The following GRM7 variants were observed in gnomAD, a reference collection of about 807,000 sequenced individuals.
GRM7 encodes the protein glutamate metabotropic receptor 7, also known as metabotropic glutamate receptor 7.
Under a neutral mutation model 84.5 loss-of-function variants are expected in GRM7, and 35 were observed. The ratio of observed to expected loss-of-function variants is 0.41; its 90% CI spans 0.32 to 0.55. The LOEUF is 0.55. Ranked by LOEUF, GRM7 falls within the 20% of genes least tolerant of loss-of-function variation. The probability of loss-of-function intolerance (pLI) is 0.19; values close to 1 mark genes in which losing one functional copy is unlikely to be tolerated. For missense variants in GRM7, 1,003 were observed against 1,194.6 expected (o/e 0.84, Z 2.36); for synonymous variants, 487 against 455.1 (o/e 1.07, Z -0.89).
chr3:6,991,029 A>G (rs1694615864), intron 1 of GRM7, among the ~76,000 whole-genome samples: 1 of 152,082 alleles, frequency 6.6e-6, no homozygotes, highest in Non-Finnish European at 1.5e-5. Context: ...TGATCACGCC[A>G]CTGCACTCCA....
At chr3:7,205,276 G>T (rs917917350) in intron 2 of GRM7, among the ~76,000 whole-genome samples, 30 of 152,228 alleles carry the variant, frequency 2.0e-4, no homozygotes, top group African/African-American at 7.2e-4. Context: ...TGAAGATCTG[G>T]TCGTGGGTGG....
At chr3:7,358,991 A>G (rs114910856) in intron 4 of GRM7, among the ~76,000 whole-genome samples, 2 of 130,208 alleles carry the variant, frequency 1.5e-5, no homozygotes, top group African/African-American at 6.4e-5. Flanking sequence ...AGGTGGCACA[A>G]GCCTATAATC....
At chr3:7,543,238 G>T in intron 7 of GRM7, among the ~76,000 whole-genome samples, 1 of 152,160 alleles carries the variant, frequency 6.6e-6, no homozygotes, top group East Asian at 1.9e-4. Context: ...CAAGGTACTT[G>T]ACTCTTCTAA....
intron 1 of GRM7, among the ~76,000 whole-genome samples, chr3:6,997,917 C>T (rs765593434): frequency 1.1e-4 from 16 of 151,650 alleles, no homozygotes; most frequent in African/African-American, 2.9e-4. Context: ...GTCATGAGTA[C>T]GAGACCATCC....
intron 7 of GRM7, among the ~76,000 whole-genome samples, chr3:7,491,280 AAAAAT>A (rs1699507234): frequency 6.6e-6 from 1 of 152,082 alleles, no homozygotes; most frequent in Admixed American, 6.6e-5. Context: ...AATAAATACA[AAAAAT>A]AAAGAGAGAT....
intron 8 of GRM7, chr3:7,608,134 G>C: frequency 5.3e-6 from 1 of 188,964 alleles, no homozygotes; most frequent in South Asian, 7.3e-5. Flanking sequence ...CTCTGTCACT[G>C]ATGGGCATTC....
chr3:7,574,279 C>T (rs1417236145), intron 7 of GRM7, among the ~76,000 whole-genome samples: 1 of 151,752 alleles, frequency 6.6e-6, no homozygotes, highest in East Asian at 1.9e-4. Context: ...CCTGCCTCAG[C>T]CTCCTGACTA....
chr3:7,137,824 A>G (rs774203079), intron 1 of GRM7, among the ~76,000 whole-genome samples: 3 of 152,084 alleles, frequency 2.0e-5, no homozygotes, highest in East Asian at 1.9e-4. Context: ...TGTGAATGCC[A>G]TATAGACTCC....
At chr3:7,531,649 AT>A (rs1452068559) in intron 7 of GRM7, among the ~76,000 whole-genome samples, 6 of 152,072 alleles carry the variant, frequency 3.9e-5, no homozygotes, top group African/African-American at 1.4e-4. Context: ...TTGCATATTG[AT>A]TTTTTATCCT....
At chr3:7,408,889 C>A (rs1326610984) in intron 4 of GRM7, among the ~76,000 whole-genome samples, 3 of 152,130 alleles carry the variant, frequency 2.0e-5, no homozygotes. Context: ...TGTTAAATTC[C>A]TAACTAAGAT....
chr3:7,452,668 T>C lies in GRM7; in HGVS notation c.1236T>C (p.Ile412=), dbSNP rs1356847276. ...AGGAGGGTAAAGTCCAGTTCGTGAT[T>C]GACGCAGTCTATGCTATGGCTCACG... The part of the protein sequence containing the change: ...YEQEGKVQFV[I]DAVYAMAHAL... Residue 412 remains isoleucine, a synonymous_variant, in exon 6 of 10, where the codon ATT becomes ATC. Coordinates refer to ENST00000357716, the MANE Select transcript of GRM7 (RefSeq NM_000844.4). The C allele has an allele frequency of 6.2e-7, 1 of 1,613,442 alleles. No homozygotes were observed. The highest frequency in any genetic ancestry group is 1.7e-5 in the Admixed American group (1 of 59,948).
chr3:7,213,379 C>A (rs1186758485), intron 2 of GRM7, among the ~76,000 whole-genome samples: 1 of 152,144 alleles, frequency 6.6e-6, no homozygotes, highest in Non-Finnish European at 1.5e-5. Flanking sequence ...AGTAGCAAAT[C>A]ATACAACTTA....
intron 9 of GRM7, among the ~76,000 whole-genome samples, chr3:7,706,006 C>A (rs1701375004): frequency 6.6e-6 from 1 of 152,070 alleles, no homozygotes; most frequent in South Asian, 2.1e-4. Flanking sequence ...GGTGGTAGAG[C>A]AGGAAAGAAG....
intron 9 of GRM7, among the ~76,000 whole-genome samples, chr3:7,684,349 G>C (rs1700496135): frequency 6.6e-6 from 1 of 152,198 alleles, no homozygotes; most frequent in African/African-American, 2.4e-5. Context: ...TTTTCTGAGG[G>C]AGGGTGTCTG....
chr3:7,202,409 C>T (rs983334732), intron 2 of GRM7, among the ~76,000 whole-genome samples: 1 of 152,150 alleles, frequency 6.6e-6, no homozygotes, highest in East Asian at 1.9e-4. Flanking sequence ...CGGCTTACTG[C>T]AACCTCTGCC....
At chr3:7,065,889 A>G (rs1697637793) in intron 1 of GRM7, among the ~76,000 whole-genome samples, 2 of 151,864 alleles carry the variant, frequency 1.3e-5, no homozygotes, top group African/African-American at 4.8e-5. Context: ...CTTCATAATC[A>G]TGTAAATACA....
In GRM7 at chr3:7,468,858, G is replaced by A. The variant is rs536439790; in HGVS notation, c.1515+7136G>A. 2.0e-4 allele frequency among the ~76,000 whole-genome samples: 30 copies of A among 152,270 alleles called. 1 individual carries two copies. In the South Asian group the frequency reaches 6.2e-3, roughly 32 times the overall value. The stretch of plus-strand genomic sequence containing the variant: ...GTCCTTGCTACCCCTTCACGACTGT[G>A]AATTTTCTGAGGCCTCCCTAGCCAT... On this transcript the variant is annotated intron_variant, in intron 7 of 9. Coordinates refer to ENST00000357716, the MANE Select transcript of GRM7 (RefSeq NM_000844.4).
intron 2 of GRM7, among the ~76,000 whole-genome samples, chr3:7,247,132 C>T (rs1036790159): frequency 1.3e-5 from 2 of 152,064 alleles, no homozygotes; most frequent in African/African-American, 4.8e-5. Flanking sequence ...TTAACCCTTG[C>T]CTCTCAACAT....
chr3:7,538,902 T>C (rs143945503), intron 7 of GRM7, among the ~76,000 whole-genome samples: 25 of 152,278 alleles, frequency 1.6e-4, no homozygotes, highest in African/African-American at 5.8e-4. Context: ...GTAGAGAGGA[T>C]GTGATTTCGT....
Sources: gnomAD v4.1 joint callset for allele counts (sites outside exome capture counted in the v4.1 genomes callset) on GRCh38, gnomAD v4.1.1 for gene constraint, MANE v1.5 for transcripts, NCBI Gene and HGNC (gene_info 2026-07-23, HGNC 2026-07-21) for gene names.